Variants in LCLAT1 observed in about 807,000 individuals in gnomAD.
The protein encoded by LCLAT1 is lysocardiolipin acyltransferase 1.
LCLAT1 carries 11 observed loss-of-function variants against 30.7 expected under a neutral mutation model. The ratio of observed to expected loss-of-function variants is 0.36; its 90% CI spans 0.23 to 0.59. The LOEUF (loss-of-function observed/expected upper bound fraction) is 0.59, where lower values mean the gene tolerates loss of function less well. Ranked by LOEUF, LCLAT1 falls within the 20% of genes least tolerant of loss-of-function variation. The probability of loss-of-function intolerance (pLI) is 0.77; values close to 1 mark genes in which losing one functional copy is unlikely to be tolerated. For synonymous variants in LCLAT1, 155 were observed against 151.3 expected, an observed-to-expected ratio of 1.02 and a Z score of -0.18; for missense variants, 402 against 458.6, an observed-to-expected ratio of 0.88 and a Z score of 1.13.
rs184467675 is a variant in LCLAT1, at chr2:30,585,974, G to A, written c.628+17798G>A. On this transcript the variant is annotated intron_variant, in intron 5 of 5. Transcript: ENST00000379509. ...GTTGCTTAAAACAGTAGGAATGGCCGGGCGTGGTGGCTCACGCCTGTAATT... is the reference window on the plus strand; with the variant it reads ...GTTGCTTAAAACAGTAGGAATGGCCAGGCGTGGTGGCTCACGCCTGTAATT... Among the ~76,000 whole-genome samples, 49 of 152,106 alleles carry A rather than the reference G, an allele frequency of 3.2e-4. 1 individual carries two copies. In the East Asian group the frequency reaches 8.3e-3, roughly 26 times the overall value.
chr2:30,569,967 C>CT (rs1008018392), intron 5 of LCLAT1, among the ~76,000 whole-genome samples: 19 of 147,992 alleles, frequency 1.3e-4, no homozygotes, highest in African/African-American at 2.0e-4. Context: ...AGCAGTGATG[C>CT]TTTTTTTTTT....
At chr2:30,541,621 C>T (rs1572598899) in intron 3 of LCLAT1, among the ~76,000 whole-genome samples, 1 of 152,118 alleles carries the variant, frequency 6.6e-6, no homozygotes, top group East Asian at 1.9e-4. Flanking sequence ...GCATAAGTAC[C>T]ATGCTGTTTT....
At chr2:30,612,311 A>G (rs1019767760) in intron 5 of LCLAT1, among the ~76,000 whole-genome samples, 2 of 152,184 alleles carry the variant, frequency 1.3e-5, no homozygotes, top group African/African-American at 4.8e-5. Context: ...AAGAGTATTT[A>G]TATCACGGTT....
chr2:30,467,823 T>C (rs1682526490), intron 1 of LCLAT1, among the ~76,000 whole-genome samples: 1 of 152,228 alleles, frequency 6.6e-6, no homozygotes, highest in Non-Finnish European at 1.5e-5. Flanking sequence ...GAGTTCTTTG[T>C]AGATTCTGGG....
chr2:30,623,184 G>T (rs1390955474), intron 5 of LCLAT1, among the ~76,000 whole-genome samples: 2 of 151,154 alleles, frequency 1.3e-5, no homozygotes, highest in Non-Finnish European at 1.5e-5. Flanking sequence ...CTCCCGAGTA[G>T]CTGGGACTAC....
At chr2:30,503,319 A>C (rs987986523) in intron 1 of LCLAT1, among the ~76,000 whole-genome samples, 9 of 152,208 alleles carry the variant, frequency 5.9e-5, no homozygotes, top group African/African-American at 2.2e-4. Flanking sequence ...CAAGTCCTGC[A>C]GGTCTCCTAT....
intron 1 of LCLAT1, among the ~76,000 whole-genome samples, chr2:30,456,904 C>A (rs912272881): frequency 6.6e-6 from 1 of 152,106 alleles, no homozygotes; most frequent in Non-Finnish European, 1.5e-5. Context: ...GAAAGTTGGA[C>A]AGGGATTACT....
chr2:30,468,086 G>T (rs1376447159), intron 1 of LCLAT1, among the ~76,000 whole-genome samples: 28 of 152,318 alleles, frequency 1.8e-4, no homozygotes. Context: ...TAACATTTAA[G>T]TCTTTAATCC....
At chr2:30,589,677 G>A (rs1266471245) in intron 5 of LCLAT1, among the ~76,000 whole-genome samples, 1 of 152,126 alleles carries the variant, frequency 6.6e-6, no homozygotes, top group Non-Finnish European at 1.5e-5. Flanking sequence ...GTATCTTCTT[G>A]AAAAGCAAAT....
chr2:30,573,455 T>G (rs1020353185), intron 5 of LCLAT1, among the ~76,000 whole-genome samples: 2 of 152,130 alleles, frequency 1.3e-5, no homozygotes, highest in African/African-American at 4.8e-5. Context: ...CTCACAGAAT[T>G]CCAAGGTTAA....
chr2:30,519,221 T>C (rs948285172), intron 1 of LCLAT1, among the ~76,000 whole-genome samples: 1 of 152,218 alleles, frequency 6.6e-6, no homozygotes, highest in African/African-American at 2.4e-5. Context: ...CCTGTATCTT[T>C]AACCTCCTTG....
chr2:30,462,881 T>C (rs10198587), intron 1 of LCLAT1, among the ~76,000 whole-genome samples: 19,276 of 152,232 alleles, frequency 0.13, 1,358 homozygotes, highest in South Asian at 0.23. Context: ...GAGCATTCTT[T>C]AGCATAGATA....
intron 5 of LCLAT1, among the ~76,000 whole-genome samples, chr2:30,598,967 TTTC>T (rs1667053902): frequency 1.3e-5 from 2 of 149,242 alleles, no homozygotes; most frequent in South Asian, 2.1e-4. Context: ...TTTGAGTGAG[TTTC>T]TTTTTTTTTT....
intron 5 of LCLAT1, among the ~76,000 whole-genome samples, chr2:30,628,418 T>G (rs985256753): frequency 6.6e-6 from 1 of 152,212 alleles, no homozygotes; most frequent in Non-Finnish European, 1.5e-5. Flanking sequence ...GGTATTTGTT[T>G]TGGAATTGAA....
At chr2:30,581,094 G>A (rs956431717) in intron 5 of LCLAT1, among the ~76,000 whole-genome samples, 2 of 152,118 alleles carry the variant, frequency 1.3e-5, no homozygotes, top group African/African-American at 4.8e-5. Flanking sequence ...AATAGTTGTT[G>A]TGGTAAATGA....
chr2:30,638,049 G>A (rs1352814959), intron 5 of LCLAT1, among the ~76,000 whole-genome samples: 1 of 152,188 alleles, frequency 6.6e-6, no homozygotes, highest in African/African-American at 2.4e-5. Context: ...GCCTGTTGAT[G>A]TAGGCATTTT....
chr2:30,563,932 G>A (rs969202335), intron 4 of LCLAT1, among the ~76,000 whole-genome samples: 1 of 152,154 alleles, frequency 6.6e-6, no homozygotes, highest in Non-Finnish European at 1.5e-5. Context: ...TAAATGAACG[G>A]TGGCACTTTT....
chr2:30,543,426 T>C (rs971214504), intron 3 of LCLAT1, among the ~76,000 whole-genome samples: 1 of 152,170 alleles, frequency 6.6e-6, no homozygotes, highest in Non-Finnish European at 1.5e-5. Context: ...GATATTTATC[T>C]GTTTGTGACC....
intron 5 of LCLAT1, chr2:30,607,247 A>G (rs1401024123): frequency 3.3e-5 from 5 of 152,130 alleles, no homozygotes; most frequent in Non-Finnish European, 5.9e-5. Context: ...CATGTTAGCC[A>G]GGATGGTCTC....
Sources: gnomAD v4.1 joint callset for allele counts (sites outside exome capture counted in the v4.1 genomes callset) on GRCh38, gnomAD v4.1.1 for gene constraint, MANE v1.5 for transcripts, NCBI Gene and HGNC (gene_info 2026-07-23, HGNC 2026-07-21) for gene names.